NEK1: variants seen among roughly 807,000 people sequenced by gnomAD.
NEK1 encodes the protein NIMA related kinase 1, also known as serine/threonine-protein kinase Nek1.
In NEK1, 137 loss-of-function variants were observed where a neutral mutation model predicts 182.1. The observed-to-expected ratio is 0.75, with a 90% CI of 0.65 to 0.87. NEK1 has a LOEUF of 0.87. Ranked by LOEUF, NEK1 falls within the 40% of genes least tolerant of loss-of-function variation. The pLI, the probability that NEK1 is intolerant of heterozygous loss-of-function variation, is 0.00. For missense variants in NEK1, 1,391 were observed against 1,494.4 expected (o/e 0.93, Z 1.14); for synonymous variants, 513 against 492.2 (o/e 1.04, Z -0.56).
At chr4:169,609,300 C>T (rs1175917140) in intron 2 of NEK1, among the ~76,000 whole-genome samples, 2 of 151,916 alleles carry the variant, frequency 1.3e-5, no homozygotes, top group African/African-American at 2.4e-5. Context: ...CAACATCTAC[C>T]AAAATTATAA....
intron 23 of NEK1, among the ~76,000 whole-genome samples, chr4:169,485,093 G>A (rs576365210): frequency 6.6e-6 from 1 of 152,252 alleles, no homozygotes; most frequent in East Asian, 1.9e-4. Context: ...ATTAAAATTT[G>A]AGCATTGTGA....
At chr4:169,489,315 G>A (rs1256359572) in intron 23 of NEK1, among the ~76,000 whole-genome samples, 1 of 152,170 alleles carries the variant, frequency 6.6e-6, no homozygotes, top group Non-Finnish European at 1.5e-5. Flanking sequence ...AGGCAGCCAG[G>A]CAAGGAGGGT....
chr4:169,420,532 C>T (rs888272037), intron 31 of NEK1, among the ~76,000 whole-genome samples: 2 of 152,096 alleles, frequency 1.3e-5, no homozygotes, highest in South Asian at 2.1e-4. Flanking sequence ...TGTGACACTA[C>T]GATGTCATTA....
chr4:169,425,441 T>C (rs1257770313), intron 30 of NEK1, among the ~76,000 whole-genome samples: 1 of 106,726 alleles, frequency 9.4e-6, no homozygotes, highest in Admixed American at 8.7e-5. Context: ...ACAAACAAAA[T>C]GAAAAAAAAA....
chr4:169,592,697 T>TA (rs1768732297), intron 5 of NEK1, among the ~76,000 whole-genome samples: 1 of 92,172 alleles, frequency 1.1e-5, no homozygotes, highest in African/African-American at 3.4e-5. Context: ...ACAATTTTCT[T>TA]TAAAAAAAAA....
intron 19 of NEK1, among the ~76,000 whole-genome samples, chr4:169,533,737 G>A (rs553628908): frequency 1.3e-5 from 2 of 152,150 alleles, no homozygotes; most frequent in African/African-American, 4.8e-5. Context: ...AGTAAAAAGA[G>A]AGAAAAAGAT....
At chr4:169,447,862 C>T (rs929198637) in intron 27 of NEK1, among the ~76,000 whole-genome samples, 3 of 151,968 alleles carry the variant, frequency 2.0e-5, no homozygotes, top group African/African-American at 7.2e-5. Flanking sequence ...GAGTGAGACT[C>T]TGTCTCAAAA....
Position 169,569,106 on chromosome 4 carries a change from A to G in NEK1, c.1021-6910T>C, listed in dbSNP as rs375110958. 2.0e-5 allele frequency among the ~76,000 whole-genome samples: 3 copies of G among 152,340 alleles called. No individual in the cohort carries two copies. The East Asian group carries it at 5.8e-4, about 29-fold the overall frequency. ...AAGTTTATTAAAATACATACTTCAC[A>G]GAAAAAAATTACAGATCAAAGTTAT... On this transcript the variant is annotated intron_variant, in intron 12 of 35. Transcript: ENST00000507142.
At chr4:169,534,447 C>G (rs1758144397) in intron 19 of NEK1, among the ~76,000 whole-genome samples, 1 of 152,092 alleles carries the variant, frequency 6.6e-6, no homozygotes, top group South Asian at 2.1e-4. Context: ...ATTTCCAGGA[C>G]AGAGTTGCAA....
chr4:169,401,995 T>C (rs1483811258), intron 32 of NEK1, 135 bp from the exon 33 acceptor site: 14 of 636,112 alleles, frequency 2.2e-5, no homozygotes, highest in Non-Finnish European at 3.3e-5. Flanking sequence ...TAATAGTAGA[T>C]AACAAAAAAT....
intron 31 of NEK1, among the ~76,000 whole-genome samples, chr4:169,422,876 A>G (rs1232424330): frequency 6.6e-6 from 1 of 152,238 alleles, no homozygotes; most frequent in African/African-American, 2.4e-5. Flanking sequence ...ATGGCTATAC[A>G]TCTTTACTAC....
At chr4:169,573,636 G>A (rs1394550429) in intron 12 of NEK1, among the ~76,000 whole-genome samples, 1 of 151,092 alleles carries the variant, frequency 6.6e-6, no homozygotes, top group African/African-American at 2.5e-5. Context: ...AAACAAAGAG[G>A]GGGAATAAAG....
intron 27 of NEK1, among the ~76,000 whole-genome samples, chr4:169,461,990 G>A (rs1744057311): frequency 6.6e-6 from 1 of 152,008 alleles, no homozygotes; most frequent in South Asian, 2.1e-4. Flanking sequence ...TGATGAATAC[G>A]AAGAATGAAA....
chr4:169,515,169 C>G lies in NEK1; in HGVS notation c.1666-6317G>C, dbSNP rs542438137. Among the ~76,000 whole-genome samples, 3 of 152,166 alleles carry G rather than the reference C, an allele frequency of 2.0e-5. No individual in the cohort carries two copies. The South Asian group carries it at 6.2e-4, about 32-fold the overall frequency. ...CCTGCTACTGATTTCTAGTTTAATT[C>G]CACTGTTCTCTATATTTGTAAAGGT... On this transcript the variant is annotated intron_variant, in intron 19 of 35. Coordinates refer to ENST00000507142, the MANE Select transcript of NEK1 (RefSeq NM_001199397.3).
chr4:169,532,503 C>T (rs925146469), intron 19 of NEK1, among the ~76,000 whole-genome samples: 1 of 152,096 alleles, frequency 6.6e-6, no homozygotes, highest in Non-Finnish European at 1.5e-5. Context: ...GTAGGTTCGT[C>T]AATTGTAACA....
At chr4:169,442,678 C>T (rs1739707715) in intron 27 of NEK1, among the ~76,000 whole-genome samples, 1 of 152,008 alleles carries the variant, frequency 6.6e-6, no homozygotes, top group Non-Finnish European at 1.5e-5. Flanking sequence ...ATAAATAATA[C>T]AAAGAAATCA....
At chr4:169,591,005 T>A (rs1303010329) in intron 5 of NEK1, among the ~76,000 whole-genome samples, 196 bp from the exon 6 acceptor site, 1 of 152,232 alleles carries the variant, frequency 6.6e-6, no homozygotes, top group Admixed American at 6.5e-5. Context: ...ATGTAAGAGA[T>A]GTTACTGGGT....
chr4:169,500,112 C>A (rs956460397), intron 23 of NEK1, among the ~76,000 whole-genome samples: 2 of 152,238 alleles, frequency 1.3e-5, no homozygotes, highest in African/African-American at 4.8e-5. Flanking sequence ...GGCACCCCTC[C>A]CCCAGCCTCG....
At chr4:169,491,151 AAAAAAAAAAAAAG>A (rs1376192638) in intron 23 of NEK1, among the ~76,000 whole-genome samples, 2 of 146,472 alleles carry the variant, frequency 1.4e-5, no homozygotes, top group African/African-American at 5.2e-5. Flanking sequence ...AAAAAAAAAA[AAAAAAAAAAAAAG>A]AGAGATGGAG....
Sources: gnomAD v4.1 joint callset for allele counts (sites outside exome capture counted in the v4.1 genomes callset) on GRCh38, gnomAD v4.1.1 for gene constraint, MANE v1.5 for transcripts, NCBI Gene and HGNC (gene_info 2026-07-23, HGNC 2026-07-21) for gene names.